The following CHST15 variants were observed in gnomAD, a reference collection of about 807,000 sequenced individuals.
CHST15 encodes B cell RAG associated protein (GALNAC4S-6ST).
A neutral mutation model predicts 53.6 loss-of-function variants in CHST15; 30 were observed. The observed-to-expected ratio is 0.56, with a 90% CI of 0.42 to 0.76. The LOEUF is 0.76. Among genes scored for constraint, CHST15 ranks in the 30% least tolerant of loss-of-function variants. The probability of loss-of-function intolerance (pLI) is 0.00; values close to 1 mark genes in which losing one functional copy is unlikely to be tolerated. For synonymous variants in CHST15, 296 were observed against 289.8 expected (o/e 1.02, Z -0.22); for missense variants, 627 against 740.5 (o/e 0.85, Z 1.78).
intron 1 of CHST15, among the ~76,000 whole-genome samples, chr10:124,087,709 AC>A (rs1010745082): frequency 4.8e-5 from 5 of 104,052 alleles, no homozygotes; most frequent in Admixed American, 9.7e-5. Flanking sequence ...AGGAGCCCCC[AC>A]CCCCCCGCCC....
At chr10:124,045,030 CTAA>C (rs1306701763) in intron 2 of CHST15, 111 bp from the exon 3 acceptor site, 1 of 495,966 alleles carries the variant, frequency 2.0e-6, no homozygotes, top group Non-Finnish European at 2.9e-6. Flanking sequence ...CAAATTTGAA[CTAA>C]TATTTGACAA....
intron 5 of CHST15, among the ~76,000 whole-genome samples, chr10:124,028,305 T>C (rs1214983157): frequency 1.3e-5 from 2 of 152,194 alleles, no homozygotes; most frequent in Non-Finnish European, 2.9e-5. Flanking sequence ...AGTTTGATGG[T>C]TCCTGTTCCT....
rs371979336 is a variant in CHST15, at chr10:124,010,954, TC to T, written c.1496-616del. Reference sequence around the variant, plus strand: ...GAGGCCTGCCGGCAAGGGCTGTCAGTCACCCCCACGCCCCGCCCTCTGGAGT... The same window carrying T: ...GAGGCCTGCCGGCAAGGGCTGTCAGTACCCCCACGCCCCGCCCTCTGGAGT... On this transcript the variant is annotated intron_variant, in intron 7 of 7. Transcript: ENST00000435907. 424 of 985,280 alleles carry T rather than the reference TC, an allele frequency of 4.3e-4. 1 individual carries two copies. In the African/African-American group the frequency reaches 6.9e-3, roughly 16 times the overall value. The allele number at this position is 985,280 out of a possible 1,614,324, so 61.0% of individuals were successfully genotyped here.
intron 1 of CHST15, among the ~76,000 whole-genome samples, chr10:124,059,934 G>A (rs1035197415): frequency 5.9e-5 from 9 of 152,168 alleles, no homozygotes; most frequent in African/African-American, 1.9e-4. Context: ...GAGGGTTTTA[G>A]AGCCAGGCGA....
chr10:124,044,620 G>A lies in CHST15; in HGVS notation c.846C>T (p.Ser282=), dbSNP rs1190107701. 6 of 1,581,914 alleles carry A rather than the reference G, an allele frequency of 3.8e-6. No homozygotes were observed. The highest frequency in any genetic ancestry group is 1.7e-4 in the Middle Eastern group (1 of 5,982). The change falls in exon 3 of 8, where the codon TCC becomes TCT. Residue 282 remains serine, a synonymous_variant. Transcript: ENST00000435907. ...RLRLHPEVKF[S]AIKEPHWWTR... is the part of the protein sequence containing the mutation. The stretch of plus-strand genomic sequence containing the variant: ...TCCACCAGTGTGGCTCCTTGATGGC[G>A]GAGAACTTGACCTCAGGGTGCAGCC...
intron 5 of CHST15, 89 bp from the exon 6 acceptor site, chr10:124,021,501 T>C: frequency 2.6e-6 from 4 of 1,526,030 alleles, no homozygotes; most frequent in Non-Finnish European, 3.5e-6. Context: ...TACAATTACA[T>C]TATCTAGTTT....
chr10:124,040,705 A>C (rs1466994289), intron 4 of CHST15, among the ~76,000 whole-genome samples: 1 of 152,242 alleles, frequency 6.6e-6, no homozygotes. Flanking sequence ...GACAGAGTCC[A>C]GGAACAGGAA....
intron 6 of CHST15, chr10:124,020,166 G>A (rs557014307): frequency 4.1e-6 from 4 of 985,490 alleles, no homozygotes; most frequent in Admixed American, 6.1e-5. Context: ...AAGAATGAAC[G>A]CAGGAATGCA....
chr10:124,039,876 T>C (rs1402478516), intron 4 of CHST15, among the ~76,000 whole-genome samples: 1 of 152,184 alleles, frequency 6.6e-6, no homozygotes, highest in Non-Finnish European at 1.5e-5. Context: ...CATCTGAAAG[T>C]TACTTATCTG....
chr10:124,088,258 C>T (rs894511849), intron 1 of CHST15, among the ~76,000 whole-genome samples: 6 of 152,214 alleles, frequency 3.9e-5, no homozygotes, highest in African/African-American at 1.4e-4. Context: ...CTGCACTTTG[C>T]CAAGCCCCAT....
At chr10:124,073,323 C>T (rs1486162547) in intron 1 of CHST15, among the ~76,000 whole-genome samples, 1 of 152,148 alleles carries the variant, frequency 6.6e-6, no homozygotes, top group Non-Finnish European at 1.5e-5. Flanking sequence ...TAAAGGAGAA[C>T]CACACAGGAT....
At chr10:124,044,558 A>AC (rs774218174) in intron 3 of CHST15, 22 bp downstream of exon 3, 1 of 1,469,560 alleles carries the variant, frequency 6.8e-7, no homozygotes. Context: ...ACCAGACAGG[A>AC]GCCCTGGGAC....
chr10:124,049,386 C>A (rs1271085271), intron 1 of CHST15, among the ~76,000 whole-genome samples: 1 of 152,210 alleles, frequency 6.6e-6, no homozygotes, highest in African/African-American at 2.4e-5. Flanking sequence ...TGCGGTGACA[C>A]TTTGCGGGCC....
At chr10:124,027,748 G>A (rs1947068116) in intron 5 of CHST15, among the ~76,000 whole-genome samples, 1 of 152,184 alleles carries the variant, frequency 6.6e-6, no homozygotes, top group South Asian at 2.1e-4. Context: ...TGGGGGAGAA[G>A]GCTGACACTA....
intron 5 of CHST15, among the ~76,000 whole-genome samples, chr10:124,033,394 G>A (rs61084122): frequency 0.029 from 4,468 of 152,304 alleles, 175 homozygotes; most frequent in East Asian, 0.17. Context: ...GCAAAGCCCA[G>A]GCCCCAGTTT....
chr10:124,052,642 T>A (rs1963531440), intron 1 of CHST15, among the ~76,000 whole-genome samples: 1 of 152,180 alleles, frequency 6.6e-6, no homozygotes, highest in South Asian at 2.1e-4. Flanking sequence ...ACGTCTCTTC[T>A]CCCCATTTCT....
rs183605617 is a variant in CHST15 at position 124,023,609 on chromosome 10, T to C, written c.1191-2197A>G. Among the ~76,000 whole-genome samples, 183 of 152,298 alleles carry C rather than the reference T, an allele frequency of 1.2e-3. 1 individual carries two copies. The highest frequency in any genetic ancestry group is 4.3e-3 in the African/African-American group (178 of 41,558). On this transcript the variant is annotated intron_variant, in intron 5 of 7. Coordinates refer to ENST00000435907, the MANE Select transcript of CHST15 (RefSeq NM_001270764.2). ...GTCTGTTTTCAACCTTCCTGCCATA[T>C]GTCCCACTCTCTTCTTGCACACACA...
At position 124,009,569 on chromosome 10, in the gene CHST15, C is replaced by T. The variant is rs547792778; in HGVS notation, c.*580G>A. ...AAAAAAAATGAAGAGCCTCCATTCTCGAAAGACTGCGGTTCTCTGTCCCAG... is the reference window on the plus strand; with the variant it reads ...AAAAAAAATGAAGAGCCTCCATTCTTGAAAGACTGCGGTTCTCTGTCCCAG... On this transcript the variant is annotated 3_prime_UTR_variant, in exon 8 of 8. Transcript: ENST00000435907. 21 of 988,724 alleles carry T rather than the reference C, an allele frequency of 2.1e-5. No individual in the cohort carries two copies. In the South Asian group the frequency reaches 6.9e-4, roughly 33 times the overall value. The allele number at this position is 988,724 out of a possible 1,614,324, so 61.2% of individuals were successfully genotyped here.
chr10:124,055,665 G>C (rs977543501), intron 1 of CHST15, among the ~76,000 whole-genome samples: 1 of 152,168 alleles, frequency 6.6e-6, no homozygotes, highest in Non-Finnish European at 1.5e-5. Context: ...CCGTAGCTCT[G>C]GCGAGCCTGG....
Sources: allele counts gnomAD v4.1 joint callset (sites outside exome capture counted in the v4.1 genomes callset), GRCh38; gene constraint gnomAD v4.1.1; transcripts MANE v1.5; gene names NCBI Gene and HGNC (gene_info 2026-07-23, HGNC 2026-07-21).